Variants in NPPA observed in about 807,000 individuals in gnomAD.
The protein encoded by NPPA is natriuretic peptides A.
In NPPA, 10 loss-of-function variants were observed where a neutral mutation model predicts 12.2. The ratio of observed to expected loss-of-function variants is 0.82; its 90% CI spans 0.50 to 1.38. NPPA has a LOEUF of 1.38. Among genes scored for constraint, NPPA ranks in the 40% most tolerant of loss-of-function variants. The pLI is 0.00. For missense variants in NPPA, 207 were observed against 193.5 expected (o/e 1.07, Z -0.41); for synonymous variants, 85 against 80.2 (o/e 1.06, Z -0.32).
intron 2 of NPPA, 130 bp downstream of exon 2, chr1:11,846,983 C>T (rs929771440): frequency 4.7e-5 from 34 of 722,596 alleles, no homozygotes; most frequent in Non-Finnish European, 6.8e-5. Context: ...TGTCCTGACA[C>T]CCATGGGGCA....
In NPPA at chr1:11,846,017, G is replaced by T; in HGVS notation, c.451-3C>A. 3.1e-6 allele frequency: 5 copies of T among 1,613,992 alleles called. No individual in the cohort carries two copies. Among genetic ancestry groups the T allele is most frequent in the Non-Finnish European group, 4.2e-6 (5 of 1,179,904 alleles). On this transcript the variant is annotated splice_region_variant and splice_polypyrimidine_tract_variant and intron_variant, in intron 2 of 2. Transcript: ENST00000376480. The stretch of plus-strand genomic sequence containing the variant: ...CTCCCTGGCTGTTATCTTCAGTACT[G>T]CAAAGAGAACACAGACATATCTGGC...
At chr1:11,846,444 G>A (rs1023768766) in intron 2 of NPPA, among the ~76,000 whole-genome samples, 1 of 144,656 alleles carries the variant, frequency 6.9e-6, no homozygotes, top group African/African-American at 2.6e-5. Flanking sequence ...CTCAGCCTCC[G>A]GAGTAGCTAG....
Position 11,847,581 on chromosome 1 carries a change from G to C in NPPA, c.104C>G (p.Ala35Gly). ...ANPMYNAVSN[A>G]DLMDFKNLLD... ...CCCTACCTTGAAATCCATCAGGTCT[G>C]CGTTGGACACGGCATTGTACATGGG... Residue 35 changes from alanine (A) to glycine (G), a missense_variant, in exon 1 of 3, where the codon GCA becomes GGA. Physicochemically the swap from Ala to Gly is moderately conservative, Grantham distance 60. Transcript: ENST00000376480. 1 of 1,614,212 alleles carries C rather than the reference G, an allele frequency of 6.2e-7. No homozygotes were observed. The highest frequency in any genetic ancestry group is 8.5e-7 in the Non-Finnish European group (1 of 1,180,044).
chr1:11,846,555 C>T (rs1172230853), intron 2 of NPPA, among the ~76,000 whole-genome samples: 1 of 151,274 alleles, frequency 6.6e-6, no homozygotes, highest in Non-Finnish European at 1.5e-5. Context: ...CTCCTGACCT[C>T]GTGATCCACC....
intron 2 of NPPA, among the ~76,000 whole-genome samples, chr1:11,846,911 G>GCCCC (rs67372226): frequency 7.2e-6 from 1 of 138,968 alleles, no homozygotes; most frequent in Non-Finnish European, 1.6e-5. Context: ...ACTGTGCCCA[G>GCCCC]CCCCCCCCCC....
At chr1:11,846,082 T>C (rs1041575261) in intron 2 of NPPA, 68 bp from the exon 3 acceptor site, 1 of 1,527,548 alleles carries the variant, frequency 6.5e-7, no homozygotes, top group African/African-American at 1.4e-5. Flanking sequence ...GCTTCATGTA[T>C]GAGTGTGCCC....
chr1:11,847,576 G>A lies in NPPA; in HGVS notation c.109C>T (p.Leu37=), dbSNP rs561950437. ...PMYNAVSNAD[L]MDFKNLLDHL... ...CCTGGCCCTACCTTGAAATCCATCA[G>A]GTCTGCGTTGGACACGGCATTGTAC... The change falls in exon 1 of 3, where the codon CTG becomes TTG. Residue 37 remains leucine, a synonymous_variant. Coordinates refer to ENST00000376480, the MANE Select transcript of NPPA (RefSeq NM_006172.4). The A allele has an allele frequency of 1.2e-6, 2 of 1,614,162 alleles. No individual in the cohort carries two copies. The highest frequency in any genetic ancestry group is 2.7e-5 in the African/African-American group (2 of 75,032).
chr1:11,847,201 G>A lies in NPPA; in HGVS notation c.362C>T (p.Ala121Val). 1 of 1,609,288 alleles carries A rather than the reference G, an allele frequency of 6.2e-7. No homozygotes were observed. Among genetic ancestry groups the A allele is most frequent in the Non-Finnish European group, 8.5e-7 (1 of 1,176,158 alleles). The change falls in exon 2 of 3, where the codon GCC becomes GTC. Residue 121 changes from alanine to valine, a missense_variant. Coordinates refer to ENST00000376480, the MANE Select transcript of NPPA (RefSeq NM_006172.4). Reference sequence around the variant, plus strand: ...GCTGGATCTCCGCAGGCTCCGAGGGGCAGTGAGCAGCGCCCTCAGCTTGCT... The same window carrying A: ...GCTGGATCTCCGCAGGCTCCGAGGGACAGTGAGCAGCGCCCTCAGCTTGCT... ...LKSKLRALLT[A>V]PRSLRRSSCF...
At chr1:11,846,124 TCCCACCGGCC>T in intron 2 of NPPA, 110 bp from the exon 3 acceptor site, 3 of 1,074,746 alleles carry the variant, frequency 2.8e-6, no homozygotes, top group Non-Finnish European at 4.4e-6. Context: ...ACCACCTGCT[TCCCACCGGCC>T]CCCACCCCAG....
chr1:11,845,914 A>G lies in NPPA; in HGVS notation c.*95T>C, dbSNP rs1305122583. On this transcript the variant is annotated 3_prime_UTR_variant, in exon 3 of 3. Transcript: ENST00000376480. ...GGGATGATCACAACTCCATGGCAAC[A>G]AGATGACACAAATGCAGCAGAGACC... 3 of 1,227,178 alleles carry G rather than the reference A, an allele frequency of 2.4e-6. No individual in the cohort carries two copies. The highest frequency in any genetic ancestry group is 1.7e-5 in the Admixed American group (1 of 59,474). 76.0% of individuals were successfully genotyped at this position (1,227,178 alleles called of 1,614,324 possible).
intron 1 of NPPA, 37 bp from the exon 2 acceptor site, chr1:11,847,476 T>TA: frequency 6.2e-7 from 1 of 1,613,816 alleles, no homozygotes; most frequent in Non-Finnish European, 8.5e-7. Context: ...GGGATAAACC[T>TA]CACTGACTTG....
chr1:11,847,621 G>A lies in NPPA; in HGVS notation c.64C>T (p.Gln22Ter). 6.2e-7 allele frequency: 1 copy of A among 1,614,064 alleles called. No homozygotes were observed. Among genetic ancestry groups the A allele is most frequent in the Non-Finnish European group, 8.5e-7 (1 of 1,179,992 alleles). The change falls in exon 1 of 3, where the codon CAG becomes TAG. Residue 22 changes from glutamine to a stop codon, truncating the protein, a stop_gained. Transcript: ENST00000376480. LOFTEE classifies it high-confidence loss of function. Reference protein sequence around the residue: ...LLLLAFQLLGQTRANPMYNAV... With the variant: ...LLLLAFQLLG ...TTGTACATGGGATTAGCTCTGGTCTGACCTAGGAGCTGGAATGCCAGTAAA... is the reference window on the plus strand; with the variant it reads ...TTGTACATGGGATTAGCTCTGGTCTAACCTAGGAGCTGGAATGCCAGTAAA...
chr1:11,845,954 C>T lies in NPPA; in HGVS notation c.*55G>A. The T allele has an allele frequency of 6.4e-7, 1 of 1,572,772 alleles. No homozygotes were observed. Among genetic ancestry groups the T allele is most frequent in the Non-Finnish European group, 8.8e-7 (1 of 1,142,346 alleles). ...CAGCAGAGACCCCAGGGGACAGGAG[C>T]CTCTTGCAGTCTGTCCCTAGGCCCA... On this transcript the variant is annotated 3_prime_UTR_variant, in exon 3 of 3. Transcript: ENST00000376480.
intron 2 of NPPA, among the ~76,000 whole-genome samples, chr1:11,846,912 C>CA (rs1491399467): frequency 8.2e-5 from 4 of 48,716 alleles, no homozygotes; most frequent in East Asian, 8.0e-4. Flanking sequence ...CTGTGCCCAG[C>CA]CCCCCCCCCT....
rs768517567 is a variant in NPPA at position 11,847,208 on chromosome 1, GCAGCGCCCT to G, written c.346_354del (p.Arg116_Leu118del). On this transcript the variant is annotated inframe_deletion, in exon 2 of 3. Transcript: ENST00000376480. Reference sequence around the variant, plus strand: ...CTCCGCAGGCTCCGAGGGGCAGTGAGCAGCGCCCTCAGCTTGCTTTTTAGGAGGGCAGAT... The same window carrying G: ...CTCCGCAGGCTCCGAGGGGCAGTGAGCAGCTTGCTTTTTAGGAGGGCAGAT... 15 of 1,611,036 alleles carry G rather than the reference GCAGCGCCCT, an allele frequency of 9.3e-6. No homozygotes were observed. Among genetic ancestry groups the G allele is most frequent in the Middle Eastern group, 1.7e-4 (1 of 6,058 alleles).
intron 2 of NPPA, among the ~76,000 whole-genome samples, chr1:11,846,511 G>A (rs1215182107): frequency 6.6e-5 from 10 of 151,590 alleles, no homozygotes; most frequent in Admixed American, 1.3e-4. Context: ...TAGTAGAGAC[G>A]GGGTTTCACC....
intron 2 of NPPA, among the ~76,000 whole-genome samples, 198 bp downstream of exon 2, chr1:11,846,915 C>T (rs1645072665): frequency 6.8e-6 from 1 of 147,136 alleles, no homozygotes; most frequent in Non-Finnish European, 1.5e-5. Context: ...TGCCCAGCCC[C>T]CCCCCCTTTT....
rs772104828 is a variant in NPPA at position 11,847,244 on chromosome 1, G to A, written c.319C>T (p.Arg107Ter). ...LGRGPWDSSD[R>*]SALLKSKLRA... Reference sequence around the variant, plus strand: ...AGCTTGCTTTTTAGGAGGGCAGATCGATCAGAGGAGTCCCAGGGGCCCCGC... The same window carrying A: ...AGCTTGCTTTTTAGGAGGGCAGATCAATCAGAGGAGTCCCAGGGGCCCCGC... The change falls in exon 2 of 3, where the codon CGA (arginine) becomes TGA (stop). Residue 107 changes from arginine (R) to a stop codon, truncating the protein, a stop_gained. Transcript: ENST00000376480. LOFTEE classifies it high-confidence loss of function. 6.8e-6 allele frequency: 11 copies of A among 1,613,404 alleles called. No individual in the cohort carries two copies. The highest frequency in any genetic ancestry group is 6.7e-5 in the African/African-American group (5 of 74,910).
At chr1:11,846,746 G>C (rs1253794180) in intron 2 of NPPA, among the ~76,000 whole-genome samples, 1 of 151,106 alleles carries the variant, frequency 6.6e-6, no homozygotes, top group Non-Finnish European at 1.5e-5. Context: ...CTCCCAAGTA[G>C]CTGAGAGTAC....
Sources: gnomAD v4.1 joint callset for allele counts (sites outside exome capture counted in the v4.1 genomes callset) on GRCh38, gnomAD v4.1.1 for gene constraint, MANE v1.5 for transcripts, NCBI Gene and HGNC (gene_info 2026-07-23, HGNC 2026-07-21) for gene names.